The following ADAM23 variants were observed in gnomAD, a reference collection of about 807,000 sequenced individuals.
ADAM23 encodes ADAM metallopeptidase domain 23, also known as disintegrin and metalloproteinase domain-containing protein 23.
A neutral mutation model predicts 120.1 loss-of-function variants in ADAM23; 33 were observed. The ratio of observed to expected loss-of-function variants is 0.27; its 90% confidence interval spans 0.21 to 0.37. The LOEUF (loss-of-function observed/expected upper bound fraction) is 0.37, where lower values mean the gene tolerates loss of function less well. Ranked by LOEUF, ADAM23 falls within the 10% of genes least tolerant of loss-of-function variation. The pLI is 1.00. For synonymous variants in ADAM23, 367 were observed against 375.2 expected (o/e 0.98, Z 0.25); for missense variants, 862 against 1,058.2 (o/e 0.81, Z 2.57).
intron 3 of ADAM23, among the ~76,000 whole-genome samples, chr2:206,505,796 A>G (rs1182923806): frequency 6.6e-6 from 1 of 152,224 alleles, no homozygotes; most frequent in Admixed American, 6.5e-5. Flanking sequence ...AAACTGAGGC[A>G]TGGAGGAGTT....
At chr2:206,530,220 A>T (rs1364527146) in intron 3 of ADAM23, among the ~76,000 whole-genome samples, 1 of 152,254 alleles carries the variant, frequency 6.6e-6, no homozygotes, top group African/African-American at 2.4e-5. Context: ...TTTTATTGGA[A>T]TACAGCCATG....
intron 3 of ADAM23, among the ~76,000 whole-genome samples, chr2:206,488,858 G>A (rs1696068140): frequency 6.6e-6 from 1 of 152,168 alleles, no homozygotes; most frequent in Admixed American, 6.6e-5. Context: ...GCAGGCAGAG[G>A]TGTGGAAGCC....
At chr2:206,518,456 C>T (rs1046221977) in intron 3 of ADAM23, among the ~76,000 whole-genome samples, 23 of 152,040 alleles carry the variant, frequency 1.5e-4, no homozygotes, top group Admixed American at 1.1e-3. Context: ...TGGATGAGTA[C>T]TTATATTTTC....
chr2:206,600,686 C>A (rs1469173332), intron 24 of ADAM23, among the ~76,000 whole-genome samples: 2 of 152,088 alleles, frequency 1.3e-5, no homozygotes, highest in Admixed American at 1.3e-4. Context: ...TGTGTGAGGA[C>A]TGAAAGCATA....
chr2:206,542,413 C>T (rs185980411), intron 5 of ADAM23, among the ~76,000 whole-genome samples: 6 of 152,232 alleles, frequency 3.9e-5, no homozygotes, highest in Non-Finnish European at 8.8e-5. Flanking sequence ...AAACCTAGTC[C>T]AGGAAGGTTT....
chr2:206,489,177 A>T (rs141005617), intron 3 of ADAM23, among the ~76,000 whole-genome samples: 25 of 152,234 alleles, frequency 1.6e-4, no homozygotes, highest in Admixed American at 3.9e-4. Context: ...AGGCACCTTG[A>T]CCTATACCAG....
chr2:206,514,644 A>G (rs1376365234), intron 3 of ADAM23, among the ~76,000 whole-genome samples: 1 of 152,220 alleles, frequency 6.6e-6, no homozygotes, highest in Admixed American at 6.5e-5. Flanking sequence ...ATTTTGAAAG[A>G]AGTTCTGCTG....
intron 3 of ADAM23, among the ~76,000 whole-genome samples, chr2:206,499,171 A>G (rs1227340683): frequency 3.3e-5 from 5 of 152,008 alleles, no homozygotes; most frequent in Admixed American, 3.3e-4. Flanking sequence ...ATTGTAAATC[A>G]TGCTGCTATA....
At chr2:206,471,480 CT>C (rs996127927) in intron 2 of ADAM23, among the ~76,000 whole-genome samples, 1 of 151,170 alleles carries the variant, frequency 6.6e-6, no homozygotes, top group African/African-American at 2.4e-5. Flanking sequence ...TCACATGAGG[CT>C]TTTTTTTTCT....
chr2:206,480,258 C>T (rs1477802073), intron 2 of ADAM23, among the ~76,000 whole-genome samples: 1 of 151,810 alleles, frequency 6.6e-6, no homozygotes, highest in Non-Finnish European at 1.5e-5. Context: ...CAAAGAGGAG[C>T]ATGGGGTAGT....
Position 206,587,380 on chromosome 2 carries a change from G to A in ADAM23, c.1788+5G>A. ...TATGCATGCAATCAAAATCAGGTAT[G>A]CTGGGCTATAAATTTTAAGTGTAAT... is the stretch of plus-strand genomic sequence containing the variant. On this transcript the variant is annotated splice_donor_5th_base_variant and intron_variant, in intron 19 of 25. Transcript: ENST00000264377. 3.1e-6 allele frequency: 5 copies of A among 1,598,280 alleles called. No individual in the cohort carries two copies. The highest frequency in any genetic ancestry group is 4.3e-6 in the Non-Finnish European group (5 of 1,172,240).
At chr2:206,515,050 A>T (rs924009966) in intron 3 of ADAM23, among the ~76,000 whole-genome samples, 1 of 152,198 alleles carries the variant, frequency 6.6e-6, no homozygotes, top group Non-Finnish European at 1.5e-5. Context: ...ATCCTGCAGT[A>T]TCCCCAAGGT....
chr2:206,592,747 A>G lies in ADAM23; in HGVS notation c.2078+11A>G, dbSNP rs1481587992. On this transcript the variant is annotated intron_variant, in intron 22 of 25. Coordinates refer to ENST00000264377, the MANE Select transcript of ADAM23 (RefSeq NM_003812.4). ...GGTGATTGACTGCAGGTAACATATT[A>G]AATATTAGAAGACCTAATAAGCCAT... 1 of 1,613,444 alleles carries G rather than the reference A, an allele frequency of 6.2e-7. No individual in the cohort carries two copies. The highest frequency in any genetic ancestry group is 8.5e-7 in the Non-Finnish European group (1 of 1,179,720).
chr2:206,592,147 A>G (rs1481992101), intron 21 of ADAM23, among the ~76,000 whole-genome samples: 2 of 152,230 alleles, frequency 1.3e-5, no homozygotes, highest in Non-Finnish European at 2.9e-5. Flanking sequence ...TCATGATTGT[A>G]AAGTGGATAC....
intron 14 of ADAM23, 110 bp from the exon 15 acceptor site, chr2:206,567,113 T>TC: frequency 1.2e-6 from 1 of 830,066 alleles, no homozygotes; most frequent in Non-Finnish European, 1.9e-6. Context: ...TTTGTGTAGA[T>TC]TCATTTGGAT....
intron 19 of ADAM23, among the ~76,000 whole-genome samples, chr2:206,587,832 C>T (rs1212581819): frequency 6.6e-6 from 1 of 152,130 alleles, no homozygotes; most frequent in East Asian, 1.9e-4. Context: ...AGAAATGTAC[C>T]AATTTTTGTT....
intron 2 of ADAM23, among the ~76,000 whole-genome samples, chr2:206,450,483 C>T (rs1695170828): frequency 6.6e-6 from 1 of 152,096 alleles, no homozygotes; most frequent in Non-Finnish European, 1.5e-5. Context: ...TATAGGGGTT[C>T]CCATGGAATT....
chr2:206,575,809 C>A (rs1416549187), intron 18 of ADAM23, among the ~76,000 whole-genome samples: 1 of 152,130 alleles, frequency 6.6e-6, no homozygotes, highest in East Asian at 1.9e-4. Flanking sequence ...AAAAGAATGG[C>A]AGAACTGTGG....
In ADAM23 at chr2:206,548,134, AGT is replaced by A. The variant is rs577671434; in HGVS notation, c.794-143_794-142del. On this transcript the variant is annotated intron_variant, in intron 7 of 25. Coordinates refer to ENST00000264377, the MANE Select transcript of ADAM23 (RefSeq NM_003812.4). The stretch of plus-strand genomic sequence containing the variant: ...TTTGAACTATCTTTGTGGTCATGAG[AGT>A]GTGAAATATATAATGATCAGTGTGC... 534 of 641,334 alleles carry A rather than the reference AGT, an allele frequency of 8.3e-4. 1 individual carries two copies. Among genetic ancestry groups the A allele is most frequent in the African/African-American group, 7.8e-3 (428 of 55,022 alleles). 39.7% of individuals were successfully genotyped at this position (641,334 alleles called of 1,614,324 possible).
Sources: gnomAD v4.1 joint callset for allele counts (sites outside exome capture counted in the v4.1 genomes callset) on GRCh38, gnomAD v4.1.1 for gene constraint, MANE v1.5 for transcripts, NCBI Gene and HGNC (gene_info 2026-07-23, HGNC 2026-07-21) for gene names.